Variants in UBE2V2 observed in about 807,000 individuals in gnomAD.
UBE2V2 encodes the protein ubiquitin conjugating enzyme E2 V2.
In UBE2V2, 9 loss-of-function variants were observed where a neutral mutation model predicts 17.2. The ratio of observed to expected loss-of-function variants is 0.52; its 90% CI spans 0.32 to 0.91. The LOEUF (loss-of-function observed/expected upper bound fraction) is 0.91, where lower values mean the gene tolerates loss of function less well. Ranked by LOEUF, UBE2V2 falls within the 40% of genes least tolerant of loss-of-function variation. UBE2V2 has a pLI of 0.04. For synonymous variants in UBE2V2, 61 were observed against 57.5 expected, an observed-to-expected ratio of 1.06 and a Z score of -0.28; for missense variants, 133 against 182.6, an observed-to-expected ratio of 0.73 and a Z score of 1.56.
chr8:48,002,642 G>A, the UBE2V2 span, among the ~76,000 whole-genome samples: 7,925 of 151,462 alleles, frequency 0.052, 702 homozygotes, highest in African/African-American at 0.18. Context: ...GGAGGGGAGG[G>A]GAAAGGAAAA....
At chr8:48,035,618 T>TG (rs1157039829) in intron 1 of UBE2V2, among the ~76,000 whole-genome samples, 3 of 114,146 alleles carry the variant, frequency 2.6e-5, no homozygotes, top group East Asian at 2.9e-4. Context: ...TAAAAATTAT[T>TG]GTTTTTTTTT....
intron 2 of UBE2V2, among the ~76,000 whole-genome samples, chr8:48,048,618 G>C (rs1397941938): frequency 6.6e-6 from 1 of 152,138 alleles, no homozygotes; most frequent in Non-Finnish European, 1.5e-5. Context: ...AATCTCAGAT[G>C]AGTTTTATAT....
chr8:48,056,570 G>T (rs564292836), intron 3 of UBE2V2, among the ~76,000 whole-genome samples: 17 of 152,154 alleles, frequency 1.1e-4, no homozygotes, highest in African/African-American at 3.9e-4. Flanking sequence ...TCAAAAAAAG[G>T]AAAAGGAGAC....
intron 1 of UBE2V2, among the ~76,000 whole-genome samples, chr8:48,013,095 T>C (rs2091244980): frequency 6.6e-6 from 1 of 152,138 alleles, no homozygotes; most frequent in Non-Finnish European, 1.5e-5. Context: ...TCCGCCCGCC[T>C]TGGCCTCCCA....
chr8:48,019,228 G>C (rs1339925889), intron 1 of UBE2V2, among the ~76,000 whole-genome samples: 2 of 152,128 alleles, frequency 1.3e-5, no homozygotes, highest in Non-Finnish European at 2.9e-5. Flanking sequence ...AGCCAGGTGT[G>C]GTGGCGGGCG....
At chr8:48,011,349 A>T (rs1161698365) in intron 1 of UBE2V2, among the ~76,000 whole-genome samples, 1 of 151,090 alleles carries the variant, frequency 6.6e-6, no homozygotes. Flanking sequence ...TTGTATATAT[A>T]TTTTTTCTAG....
chr8:48,054,196 GTC>G lies in UBE2V2; in HGVS notation c.291+4219_291+4220del, dbSNP rs764606950. ...TACTCTCAATTGCAATGTGTATCTT[GTC>G]AAGGAGCAATAGAATTCAGTTCGTG... is the stretch of plus-strand genomic sequence containing the variant. On this transcript the variant is annotated intron_variant, in intron 3 of 3. Coordinates refer to ENST00000523111, the MANE Select transcript of UBE2V2 (RefSeq NM_003350.3). Among the ~76,000 whole-genome samples, 335 of 152,336 alleles carry G rather than the reference GTC, an allele frequency of 2.2e-3. 2 individuals carry two copies. The highest frequency in any genetic ancestry group is 3.8e-3 in the Non-Finnish European group (257 of 68,038).
intron 3 of UBE2V2, among the ~76,000 whole-genome samples, chr8:48,054,637 A>T (rs1355399006): frequency 6.6e-6 from 1 of 152,102 alleles, no homozygotes; most frequent in Non-Finnish European, 1.5e-5. Context: ...TTATATTTTG[A>T]GGCTGTTTAA....
chr8:48,017,225 C>A (rs1333450803), intron 1 of UBE2V2, among the ~76,000 whole-genome samples: 1 of 151,830 alleles, frequency 6.6e-6, no homozygotes, highest in Non-Finnish European at 1.5e-5. Flanking sequence ...ATTTGTATGT[C>A]TTTTGAGAAA....
chr8:48,058,155 G>A (rs746538589), intron 3 of UBE2V2, among the ~76,000 whole-genome samples: 16 of 152,042 alleles, frequency 1.1e-4, no homozygotes, highest in African/African-American at 3.4e-4. Context: ...CCAAGATGAC[G>A]AAACCCTGTC....
upstream of UBE2V2, among the ~76,000 whole-genome samples, chr8:48,005,189 C>A (rs1235651422): frequency 2.0e-5 from 3 of 152,034 alleles, no homozygotes; most frequent in Admixed American, 6.6e-5. Context: ...CCCTGACAGG[C>A]CCCAGTGTGT....
At chr8:48,045,969 A>G (rs1903082) in intron 2 of UBE2V2, among the ~76,000 whole-genome samples, 34,189 of 152,016 alleles carry the variant, frequency 0.22, 7,484 homozygotes, top group African/African-American at 0.56. Flanking sequence ...TTTTTGAGAC[A>G]GAGTTTGGCT....
At chr8:48,053,054 G>T (rs1346049618) in intron 3 of UBE2V2, among the ~76,000 whole-genome samples, 2 of 152,076 alleles carry the variant, frequency 1.3e-5, no homozygotes. Flanking sequence ...CTACAAGTGT[G>T]TGCCACAACA....
intron 1 of UBE2V2, among the ~76,000 whole-genome samples, chr8:48,019,095 G>C (rs999292634): frequency 6.6e-6 from 1 of 151,800 alleles, no homozygotes; most frequent in African/African-American, 2.4e-5. Context: ...GACCAGGAGC[G>C]GTGGCTCACA....
At chr8:47,998,316 C>T in the UBE2V2 span, among the ~76,000 whole-genome samples, 4 of 151,894 alleles carry the variant, frequency 2.6e-5, no homozygotes, top group East Asian at 3.9e-4. Context: ...GAAGTAGGGG[C>T]GCACGTAGAA....
chr8:48,029,947 C>T (rs1032422873), intron 1 of UBE2V2, among the ~76,000 whole-genome samples: 1 of 152,152 alleles, frequency 6.6e-6, no homozygotes, highest in Admixed American at 6.6e-5. Flanking sequence ...GCATGCCATC[C>T]TAATTTTACT....
intron 1 of UBE2V2, among the ~76,000 whole-genome samples, chr8:48,014,574 G>C (rs1443357641): frequency 6.7e-6 from 1 of 149,718 alleles, no homozygotes; most frequent in Non-Finnish European, 1.5e-5. Flanking sequence ...GAACCTGGGA[G>C]TCGAAGCTTG....
upstream of UBE2V2, among the ~76,000 whole-genome samples, chr8:48,005,291 A>G (rs2091176944): frequency 6.6e-6 from 1 of 151,988 alleles, no homozygotes; most frequent in Non-Finnish European, 1.5e-5. Flanking sequence ...TTCTTGTGAT[A>G]GTTTGCTGAG....
chr8:48,056,196 TTTA>T (rs2091570713), intron 3 of UBE2V2, among the ~76,000 whole-genome samples: 2 of 152,354 alleles, frequency 1.3e-5, no homozygotes, highest in African/African-American at 4.8e-5. Flanking sequence ...TTTATTCCTT[TTTA>T]TTGTTGGACA....
Sources: gnomAD v4.1 joint callset for allele counts (sites outside exome capture counted in the v4.1 genomes callset) on GRCh38, gnomAD v4.1.1 for gene constraint, MANE v1.5 for transcripts, NCBI Gene and HGNC (gene_info 2026-07-23, HGNC 2026-07-21) for gene names.